RIF1: variants seen among roughly 807,000 people sequenced by gnomAD.
RIF1 encodes telomere-associated protein RIF1.
In RIF1, 45 loss-of-function variants were observed where a neutral mutation model predicts 247.1. The observed-to-expected ratio is 0.18, with a 90% confidence interval of 0.14 to 0.23. The LOEUF is 0.23. Ranked by LOEUF, RIF1 falls within the 10% of genes least tolerant of loss-of-function variation. The pLI, the probability that RIF1 is intolerant of heterozygous loss-of-function variation, is 1.00. For synonymous variants in RIF1, 1,087 were observed against 978.8 expected (o/e 1.11, Z -2.06); for missense variants, 2,967 against 2,862.5 (o/e 1.04, Z -0.83).
intron 25 of RIF1, among the ~76,000 whole-genome samples, chr2:151,459,138 CTG>C (rs1315280872): frequency 1.3e-5 from 2 of 152,200 alleles, no homozygotes; most frequent in Non-Finnish European, 2.9e-5. Flanking sequence ...GGTACCTCAT[CTG>C]TGCTGTTCAC....
Position 151,487,304 on chromosome 2 carries a change from T to C in RIF1, c.*415+3969T>C, listed in dbSNP as rs80212211. ...TGGAGGTATATAATAAGTGATAATATCAAAAGTTTCTTCCTAGGAGCAGCC... is the reference window on the plus strand; with the variant it reads ...TGGAGGTATATAATAAGTGATAATACCAAAAGTTTCTTCCTAGGAGCAGCC... On this transcript the variant is annotated intron_variant and NMD_transcript_variant, in intron 9 of 13. Coordinates refer to the RIF1 transcript ENST00000454583. 5.6e-3 allele frequency among the ~76,000 whole-genome samples: 860 copies of C among 152,334 alleles called. 5 individuals carry two copies. Among genetic ancestry groups the C allele is most frequent in the Non-Finnish European group, 8.6e-3 (582 of 68,030 alleles).
At chr2:151,513,364 G>A in the RIF1 span, among the ~76,000 whole-genome samples, 3 of 152,168 alleles carry the variant, frequency 2.0e-5, no homozygotes, top group Non-Finnish European at 2.9e-5. Flanking sequence ...TGCTCTGAAT[G>A]TCCCCAGAGC....
In RIF1 at chr2:151,490,485, C is replaced by A. The variant is rs779983347; in HGVS notation, c.*416-4744C>A. ...ACTGATGCTTAGTGCACTGGCAGAT[C>A]GTGACTGCTCCCGGCTCCGGCGCTG... On this transcript the variant is annotated intron_variant and NMD_transcript_variant, in intron 9 of 13. Transcript: ENST00000454583. 2.5e-6 allele frequency: 4 copies of A among 1,609,038 alleles called. No homozygotes were observed. The highest frequency in any genetic ancestry group is 1.7e-5 in the Admixed American group (1 of 59,512).
chr2:151,437,394 AAAG>A (rs1421363242), intron 13 of RIF1, 43 bp downstream of exon 13: 2 of 1,490,668 alleles, frequency 1.3e-6, no homozygotes, highest in African/African-American at 1.4e-5. Context: ...GTGTGTTTAA[AAAG>A]AAGAAAAAAT....
At chr2:151,437,190 AT>A (rs1466273762) in intron 12 of RIF1, 50 bp from the exon 13 acceptor site, 1 of 1,423,462 alleles carries the variant, frequency 7.0e-7, no homozygotes, top group Non-Finnish European at 9.9e-7. Flanking sequence ...TGAGAAATGT[AT>A]TTCATAAATC....
At chr2:151,485,749 C>T (rs534898543), downstream of RIF1, 2 of 1,598,596 alleles carry the variant, frequency 1.3e-6, no homozygotes, top group South Asian at 2.2e-5. Flanking sequence ...AAGTGTGATG[C>T]TTTGAAATGC....
rs1695631370 is a variant in RIF1, at chr2:151,458,672, A to T, written c.2856-139A>T. ...CCTAATTTTTCTCAGTTTTATATACACATAGTAAGGAACAGTCTTTATTTA... is the reference window on the plus strand; with the variant it reads ...CCTAATTTTTCTCAGTTTTATATACTCATAGTAAGGAACAGTCTTTATTTA... On this transcript the variant is annotated intron_variant, in intron 24 of 35. Transcript: ENST00000444746. The T allele has an allele frequency of 1.1e-5, 5 of 435,574 alleles. No individual in the cohort carries two copies. In the South Asian group the frequency reaches 3.7e-4, roughly 32 times the overall value. The allele number at this position is 435,574 out of a possible 1,614,324, so 27.0% of individuals were successfully genotyped here. A position where few individuals can be genotyped will look rare whatever the true frequency, so the allele number is the denominator to read the frequency against.
downstream of RIF1, among the ~76,000 whole-genome samples, chr2:151,508,888 A>ATGAT (rs906820551): frequency 6.6e-5 from 10 of 152,306 alleles, no homozygotes; most frequent in African/African-American, 1.9e-4. Flanking sequence ...CACCAAACTG[A>ATGAT]TGATTGTTTT....
In RIF1 at chr2:151,499,226, T is replaced by G. The variant is rs2062601085; in HGVS notation, c.*514-119T>G. The stretch of plus-strand genomic sequence containing the variant: ...TTTTATTGGGATGAGTTGATTAGAT[T>G]TTTAAAATCTAGCCATTAATCTTTT... On this transcript the variant is annotated intron_variant and NMD_transcript_variant, in intron 10 of 13. Transcript: ENST00000454583. 8 of 822,286 alleles carry G rather than the reference T, an allele frequency of 9.7e-6. No individual in the cohort carries two copies. In the Admixed American group the frequency reaches 1.7e-4, roughly 17 times the overall value. 50.9% of individuals were successfully genotyped at this position (822,286 alleles called of 1,614,324 possible). A position where few individuals can be genotyped will look rare whatever the true frequency, so the allele number is the denominator to read the frequency against.
chr2:151,471,853 G>T lies in RIF1; in HGVS notation c.7095+1989G>T, dbSNP rs529263720. Among the ~76,000 whole-genome samples, 55 of 152,198 alleles carry T rather than the reference G, an allele frequency of 3.6e-4. 1 individual carries two copies. The highest frequency in any genetic ancestry group is 1.1e-3 in the African/African-American group (46 of 41,528). On this transcript the variant is annotated intron_variant, in intron 34 of 35. Coordinates refer to ENST00000444746, the MANE Select transcript of RIF1 (RefSeq NM_018151.5). Reference sequence around the variant, plus strand: ...GCTTCTGATTGACTTGGCAATGCGGGCTCTTTTTTCGTTGCATATGAACTT... The same window carrying T: ...GCTTCTGATTGACTTGGCAATGCGGTCTCTTTTTTCGTTGCATATGAACTT...
chr2:151,527,421 T>C, the RIF1 span: 1 of 1,181,536 alleles, frequency 8.5e-7, no homozygotes. Context: ...TAAATAATTA[T>C]TCATTGTATT....
chr2:151,478,336 A>G lies in RIF1; in HGVS notation c.*3265A>G, dbSNP rs2049029627. The stretch of plus-strand genomic sequence containing the variant: ...TCCTGTCTCTACTAAAAATACAAAA[A>G]CCAGCCAGGCATGTTGGCGCATACT... On this transcript the variant is annotated 3_prime_UTR_variant, in exon 36 of 36. Coordinates refer to ENST00000444746, the MANE Select transcript of RIF1 (RefSeq NM_018151.5). The G allele has an allele frequency of 6.6e-6, 1 of 152,118 alleles. No homozygotes were observed. Among genetic ancestry groups the G allele is most frequent in the African/African-American group, 2.4e-5 (1 of 41,410 alleles). 9.4% of individuals were successfully genotyped at this position (152,118 alleles called of 1,614,324 possible).
intron 26 of RIF1, among the ~76,000 whole-genome samples, chr2:151,460,509 A>G (rs953873477): frequency 2.9e-5 from 3 of 103,376 alleles, no homozygotes; most frequent in African/African-American, 9.7e-5. Flanking sequence ...AATAATGCCT[A>G]GATAAGACAC....
At position 151,464,944 on chromosome 2, in the gene RIF1, T is replaced by C. The variant is rs1696684690; in HGVS notation, c.5424T>C (p.Asn1808=). 1.3e-6 allele frequency: 2 copies of C among 1,572,400 alleles called. No homozygotes were observed. The highest frequency in any genetic ancestry group is 1.7e-6 in the Non-Finnish European group (2 of 1,166,618). The change falls in exon 30 of 36, where the codon AAT becomes AAC. Residue 1808 remains asparagine, a synonymous_variant. Transcript: ENST00000444746. ...TCAAAGAGGATAATGATACTATTAA[T>C]GATTCATTAATTGTTTCTGAAACCA... ...LGLKEDNDTI[N]DSLIVSETKS... is the part of the protein sequence containing the mutation.
intron 19 of RIF1, 23 bp from the exon 20 acceptor site, chr2:151,446,400 ACTT>A (rs1444925302): frequency 6.2e-6 from 10 of 1,607,998 alleles, no homozygotes; most frequent in East Asian, 2.2e-5. Flanking sequence ...TATTAACAAA[ACTT>A]CTTTTTTTGT....
intron 12 of RIF1, chr2:151,505,370 C>T: frequency 1.0e-6 from 1 of 979,558 alleles, no homozygotes; most frequent in Non-Finnish European, 1.6e-6. Flanking sequence ...TCACAACATC[C>T]CCAAGGCATG....
downstream of RIF1, chr2:151,485,587 G>A (rs1329544431): frequency 3.8e-6 from 2 of 529,168 alleles, no homozygotes; most frequent in Non-Finnish European, 6.4e-6. Flanking sequence ...TAAAGTGTCT[G>A]TTCTGCAACT....
chr2:151,429,121 C>T (rs1418404603), intron 9 of RIF1, among the ~76,000 whole-genome samples, 199 bp downstream of exon 9: 1 of 152,174 alleles, frequency 6.6e-6, no homozygotes, highest in Admixed American at 6.5e-5. Context: ...AATATGAAAT[C>T]TGTTTCACAG....
At chr2:151,474,828 T>G (rs2048852464) in intron 35 of RIF1, 29 bp from the exon 36 acceptor site, 5 of 1,288,766 alleles carry the variant, frequency 3.9e-6, no homozygotes, top group Non-Finnish European at 5.5e-6. Flanking sequence ...TGGTATAGAT[T>G]TAATTGTGGT....
Sources: gnomAD v4.1 joint callset for allele counts (sites outside exome capture counted in the v4.1 genomes callset) on GRCh38, gnomAD v4.1.1 for gene constraint, MANE v1.5 for transcripts, NCBI Gene and HGNC (gene_info 2026-07-23, HGNC 2026-07-21) for gene names.